Variants in UACA observed in about 807,000 individuals in gnomAD.
UACA encodes the protein nuclear membrane binding protein.
In UACA, 112 loss-of-function variants were observed where a neutral mutation model predicts 160.5. The observed-to-expected ratio is 0.70, with a 90% CI of 0.60 to 0.82. UACA has a LOEUF of 0.82. Among genes scored for constraint, UACA ranks in the 40% least tolerant of loss-of-function variants. The pLI is 0.00. For synonymous variants in UACA, 557 were observed against 568.4 expected (o/e 0.98, Z 0.29); for missense variants, 1,574 against 1,614.6 (o/e 0.97, Z 0.43).
At chr15:70,721,623 T>TC (rs1040182785) in intron 1 of UACA, among the ~76,000 whole-genome samples, 1 of 141,742 alleles carries the variant, frequency 7.1e-6, no homozygotes, top group Non-Finnish European at 1.5e-5. Flanking sequence ...CGAGACTCCA[T>TC]CTTAAAAAAA....
chr15:70,767,269 ACAAAAAC>A (rs1567007261), upstream of UACA, among the ~76,000 whole-genome samples: 1,160 of 121,570 alleles, frequency 9.5e-3, 93 homozygotes, highest in African/African-American at 0.029. Context: ...AAAAACAAAA[ACAAAAAC>A]AACAACAATA....
At position 70,677,129 on chromosome 15, in the gene UACA, A is replaced by G; in HGVS notation, c.1011T>C (p.Val337=). The change falls in exon 12 of 19, where the codon GTT becomes GTC. Residue 337 remains valine, a synonymous_variant. Transcript: ENST00000322954. ...LQLQLNEEVM[V]ADDLESEREK... ...CTACCTCGCTTTCCAGATCATCAGC[A>G]ACCATAACTTCCTAAATTTAAAAAG... The G allele has an allele frequency of 6.2e-7, 1 of 1,603,660 alleles. No homozygotes were observed. Among genetic ancestry groups the G allele is most frequent in the Non-Finnish European group, 8.5e-7 (1 of 1,174,900 alleles).
chr15:70,680,935 C>T (rs371208437), intron 9 of UACA, among the ~76,000 whole-genome samples: 60 of 152,222 alleles, frequency 3.9e-4, no homozygotes, highest in African/African-American at 1.3e-3. Flanking sequence ...TAATCTAGCC[C>T]TTTGTTACTT....
chr15:70,679,500 T>C lies in UACA; in HGVS notation c.891+108A>G, dbSNP rs111701801. The C allele has an allele frequency of 4.7e-3, 2,842 of 600,918 alleles. 73 individuals carry two copies. The African/African-American group carries it at 0.05, about 11-fold the overall frequency. The allele number at this position is 600,918 out of a possible 1,614,324, so 37.2% of individuals were successfully genotyped here. On this transcript the variant is annotated intron_variant, in intron 10 of 18. Coordinates refer to ENST00000322954, the MANE Select transcript of UACA (RefSeq NM_018003.4). ...CAATTTTAACGAGCTTCCCTTTCTT[T>C]GCCCCACTCATTTCACCCATTCTCT...
At chr15:70,757,976 T>C (rs2030529660) in intron 1 of UACA, among the ~76,000 whole-genome samples, 1 of 152,252 alleles carries the variant, frequency 6.6e-6, no homozygotes, top group South Asian at 2.1e-4. Context: ...ATGTGTTCCA[T>C]AAATGTTTTC....
chr15:70,666,058 CAACTACATAATTCT>C (rs141612019), intron 16 of UACA, among the ~76,000 whole-genome samples: 8,301 of 152,244 alleles, frequency 0.055, 322 homozygotes, highest in Non-Finnish European at 0.078. Flanking sequence ...TTGGGAAGAT[CAACTACATAATTCT>C]AACAAGGTAA....
chr15:70,660,435 T>C (rs1595864066), intron 17 of UACA: 6 of 502,298 alleles, frequency 1.2e-5, no homozygotes, highest in Non-Finnish European at 2.1e-5. Context: ...AATGCTACTT[T>C]CCCTAAGCAA....
Position 70,703,200 on chromosome 15 carries a change from C to T in UACA, c.79-3540G>A, listed in dbSNP as rs771512637. On this transcript the variant is annotated intron_variant, in intron 1 of 18. Transcript: ENST00000322954. ...GGTGGCTGTTGTTGTTGTTTTTTAA[C>T]CATGTTCTCATTACCACAATAGCAT... The T allele has an allele frequency of 7.0e-6, 9 of 1,289,014 alleles. No homozygotes were observed. The South Asian group carries it at 1.1e-4, about 16-fold the overall frequency. The allele number at this position is 1,289,014 out of a possible 1,614,324, so 79.8% of individuals were successfully genotyped here.
intron 1 of UACA, among the ~76,000 whole-genome samples, chr15:70,757,790 C>A (rs188383184): frequency 1.2e-4 from 18 of 152,252 alleles, no homozygotes; most frequent in Middle Eastern, 3.4e-3. Flanking sequence ...ATCAAACTGT[C>A]CCATCTTTGG....
At chr15:70,689,462 G>C (rs1035263763) in intron 5 of UACA, among the ~76,000 whole-genome samples, 10 of 152,016 alleles carry the variant, frequency 6.6e-5, no homozygotes, top group Admixed American at 3.3e-4. Flanking sequence ...ATGGAAAAAT[G>C]CTTTGCAAAT....
At chr15:70,714,526 T>C (rs1266344259) in intron 1 of UACA, among the ~76,000 whole-genome samples, 1 of 152,174 alleles carries the variant, frequency 6.6e-6, no homozygotes, top group African/African-American at 2.4e-5. Context: ...ATCCTATCAA[T>C]CATTTTCCTG....
chr15:70,726,458 T>C (rs368558904), intron 1 of UACA, among the ~76,000 whole-genome samples: 91 of 152,328 alleles, frequency 6.0e-4, no homozygotes, highest in African/African-American at 2.0e-3. Context: ...TATTCGTGTA[T>C]AAAACTAAAT....
At chr15:70,673,576 G>A (rs74355677) in intron 13 of UACA, among the ~76,000 whole-genome samples, 2,350 of 152,140 alleles carry the variant, frequency 0.015, 27 homozygotes, top group Non-Finnish European at 0.023. Context: ...CATGTATTAG[G>A]GGGTGCTATG....
At chr15:70,752,675 G>C (rs142006147) in intron 1 of UACA, among the ~76,000 whole-genome samples, 11 of 151,944 alleles carry the variant, frequency 7.2e-5, no homozygotes, top group African/African-American at 2.7e-4. Context: ...GCATCTGCAA[G>C]GGAAAACCTT....
chr15:70,770,457 A>G, the UACA span, among the ~76,000 whole-genome samples: 19 of 152,350 alleles, frequency 1.2e-4, no homozygotes, highest in Middle Eastern at 6.8e-3. Flanking sequence ...TTTAGTACAA[A>G]TATCAAAAAA....
At chr15:70,695,229 T>C in intron 2 of UACA, 124 bp from the exon 3 acceptor site, 1 of 590,594 alleles carries the variant, frequency 1.7e-6, no homozygotes, top group Non-Finnish European at 2.8e-6. Flanking sequence ...TTTTAAAGGC[T>C]ACATTAGAAC....
At chr15:70,728,610 T>C (rs1207138533) in intron 1 of UACA, among the ~76,000 whole-genome samples, 5 of 126,028 alleles carry the variant, frequency 4.0e-5, no homozygotes, top group East Asian at 4.4e-4. Context: ...ACCTAGGAAA[T>C]AGCATTCTGG....
At chr15:70,717,625 T>C (rs1898858999) in intron 1 of UACA, among the ~76,000 whole-genome samples, 1 of 152,216 alleles carries the variant, frequency 6.6e-6, no homozygotes, top group African/African-American at 2.4e-5. Context: ...ATCAAGCTAA[T>C]CTGCATGCTG....
At chr15:70,664,326 T>A (rs1360975960) in intron 17 of UACA, among the ~76,000 whole-genome samples, 1 of 152,176 alleles carries the variant, frequency 6.6e-6, no homozygotes, top group Non-Finnish European at 1.5e-5. Context: ...CAGTTCCAGG[T>A]TTATACCCCA....
Sources: gnomAD v4.1 joint callset for allele counts (sites outside exome capture counted in the v4.1 genomes callset) on GRCh38, gnomAD v4.1.1 for gene constraint, MANE v1.5 for transcripts, NCBI Gene and HGNC (gene_info 2026-07-23, HGNC 2026-07-21) for gene names.